WNT3: variants seen among roughly 807,000 people sequenced by gnomAD.
WNT3 encodes proto-oncogene Wnt-3.
Under a neutral mutation model 34.2 loss-of-function variants are expected in WNT3, and 7 were observed. The observed-to-expected ratio is 0.20, with a 90% CI of 0.12 to 0.38. WNT3 has a LOEUF of 0.38. Among genes scored for constraint, WNT3 ranks in the 10% least tolerant of loss-of-function variants. The pLI, the probability that WNT3 is intolerant of heterozygous loss-of-function variation, is 1.00. For missense variants in WNT3, 267 were observed against 499.8 expected, an observed-to-expected ratio of 0.53 and a Z score of 4.44; for synonymous variants, 212 against 211.5, an observed-to-expected ratio of 1.00 and a Z score of -0.02.
chr17:46,780,482 CA>C (rs2059450882), intron 1 of WNT3, among the ~76,000 whole-genome samples: 1 of 152,210 alleles, frequency 6.6e-6, no homozygotes, highest in African/African-American at 2.4e-5. Flanking sequence ...GGTATACGCC[CA>C]AAAGAATTGA....
chr17:46,771,053 G>A (rs2059362592), intron 2 of WNT3, among the ~76,000 whole-genome samples: 1 of 152,196 alleles, frequency 6.6e-6, no homozygotes, highest in African/African-American at 2.4e-5. Context: ...CCAGGCGCCC[G>A]CCTCCCCTCC....
intron 1 of WNT3, among the ~76,000 whole-genome samples, chr17:46,815,980 C>G (rs2084336871): frequency 1.3e-5 from 2 of 152,176 alleles, no homozygotes; most frequent in Non-Finnish European, 2.9e-5. Flanking sequence ...ACAGCCCTCA[C>G]ACAGCTATGG....
chr17:46,816,786 C>T (rs553920895), intron 1 of WNT3, among the ~76,000 whole-genome samples: 1 of 152,198 alleles, frequency 6.6e-6, no homozygotes, highest in Non-Finnish European at 1.5e-5. Flanking sequence ...GCCGCCAAAC[C>T]TTTCCTTCCT....
Position 46,769,958 on chromosome 17 carries a change from A to G in WNT3, c.413T>C (p.Ile138Thr), listed in dbSNP as rs1473415899. Reference protein sequence around the residue: ...TRSCAEGTSTICGCDSHHKGP... With the variant: ...TRSCAEGTSTTCGCDSHHKGP... ...CTTATGATGCGAGTCACAGCCGCAA[A>G]TGGTGGAGGTGCCCTCGGCGCAGGA... The change falls in exon 3 of 5, where the codon ATT becomes ACT. Residue 138 changes from isoleucine to threonine, a missense_variant. Coordinates refer to ENST00000225512, the MANE Select transcript of WNT3 (RefSeq NM_030753.5). 9.3e-6 allele frequency: 15 copies of G among 1,612,874 alleles called. No homozygotes were observed. The highest frequency in any genetic ancestry group is 1.2e-5 in the Non-Finnish European group (14 of 1,179,732).
At chr17:46,795,795 C>G (rs2084045614) in intron 1 of WNT3, among the ~76,000 whole-genome samples, 1 of 152,150 alleles carries the variant, frequency 6.6e-6, no homozygotes, top group Admixed American at 6.5e-5. Flanking sequence ...GCTAGTAACC[C>G]CCAGGCTTCT....
At chr17:46,778,081 C>A (rs1006064575) in intron 1 of WNT3, among the ~76,000 whole-genome samples, 1 of 152,204 alleles carries the variant, frequency 6.6e-6, no homozygotes, top group African/African-American at 2.4e-5. Context: ...GTGCATGGCA[C>A]GTGGGGAGCC....
intron 1 of WNT3, 64 bp downstream of exon 1, chr17:46,818,454 G>T: frequency 6.6e-7 from 1 of 1,521,030 alleles, no homozygotes; most frequent in Non-Finnish European, 8.9e-7. Context: ...CCCAGCCGGC[G>T]CCCCCACCTT....
chr17:46,780,620 C>A (rs2146399820), intron 1 of WNT3, among the ~76,000 whole-genome samples: 1 of 152,080 alleles, frequency 6.6e-6, no homozygotes, highest in East Asian at 1.9e-4. Context: ...ACTAAAAATA[C>A]AAAAAATTAG....
At chr17:46,802,993 G>T (rs551001661) in intron 1 of WNT3, among the ~76,000 whole-genome samples, 1 of 152,170 alleles carries the variant, frequency 6.6e-6, no homozygotes, top group Non-Finnish European at 1.5e-5. Context: ...CTGGGGCTTG[G>T]GATTGCTACT....
At chr17:46,791,396 G>A (rs180963365) in intron 1 of WNT3, among the ~76,000 whole-genome samples, 13 of 152,112 alleles carry the variant, frequency 8.5e-5, no homozygotes, top group Non-Finnish European at 1.9e-4. Context: ...TAGTAGAGAC[G>A]GGGTTTCAAC....
chr17:46,774,501 A>G (rs1299285509), intron 1 of WNT3, among the ~76,000 whole-genome samples: 1 of 152,244 alleles, frequency 6.6e-6, no homozygotes, highest in East Asian at 1.9e-4. Context: ...CTCCATGACC[A>G]TCTTTCCAGT....
intron 2 of WNT3, 143 bp from the exon 3 acceptor site, chr17:46,770,191 G>T: frequency 8.6e-7 from 1 of 1,161,172 alleles, no homozygotes; most frequent in Non-Finnish European, 1.2e-6. Flanking sequence ...GAGGGAGGCA[G>T]CTTCCCCACC....
At chr17:46,780,563 A>C (rs199510) in intron 1 of WNT3, among the ~76,000 whole-genome samples, 127,920 of 152,208 alleles carry the variant, frequency 0.84, 54,066 homozygotes, top group East Asian at 1. Flanking sequence ...CCGAGGCGGG[A>C]GGATCACGAG....
chr17:46,768,021 C>T lies in WNT3; in HGVS notation c.*8+291G>A, dbSNP rs949297519. The stretch of plus-strand genomic sequence containing the variant: ...CAGGCCGGTCTCGAACTCCTGACCT[C>T]AGGTGATCCGTCCACCTCGGCCTCC... On this transcript the variant is annotated intron_variant, in intron 4 of 4. Coordinates refer to ENST00000225512, the MANE Select transcript of WNT3 (RefSeq NM_030753.5). This position sits in a 1 kb window ranked among gnomAD's most constrained non-coding sequence, Gnocchi z 5.0. Among the ~76,000 whole-genome samples the T allele has an allele frequency of 1.3e-5, 2 of 152,210 alleles. No homozygotes were observed. The highest frequency in any genetic ancestry group is 2.9e-5 in the Non-Finnish European group (2 of 68,042).
chr17:46,783,227 G>A (rs750803300), intron 1 of WNT3, among the ~76,000 whole-genome samples: 4 of 152,214 alleles, frequency 2.6e-5, no homozygotes, highest in Non-Finnish European at 2.9e-5. Flanking sequence ...ATAAAACCAT[G>A]AAGGAGCAGC....
chr17:46,806,206 CCTTT>C (rs1231020334), intron 1 of WNT3, among the ~76,000 whole-genome samples: 1 of 107,806 alleles, frequency 9.3e-6, no homozygotes, highest in Admixed American at 1.4e-4. Context: ...TTTTTCTTTT[CCTTT>C]TTTTTTTTTT....
intron 1 of WNT3, among the ~76,000 whole-genome samples, chr17:46,807,501 G>GA (rs1376144295): frequency 6.6e-6 from 1 of 151,832 alleles, no homozygotes; most frequent in Admixed American, 6.6e-5. Flanking sequence ...TAAATAAACA[G>GA]AAAAAAAAGA....
At chr17:46,788,999 C>G (rs2083944038) in intron 1 of WNT3, among the ~76,000 whole-genome samples, 1 of 152,218 alleles carries the variant, frequency 6.6e-6, no homozygotes, top group African/African-American at 2.4e-5. Flanking sequence ...TGGCTGGGAG[C>G]TCACTCTTAG....
At chr17:46,816,079 C>G (rs2084338051) in intron 1 of WNT3, among the ~76,000 whole-genome samples, 1 of 151,588 alleles carries the variant, frequency 6.6e-6, no homozygotes, top group South Asian at 2.1e-4. Flanking sequence ...GTGGGGCTTT[C>G]CCCACACTGT....
Sources: allele counts gnomAD v4.1 joint callset (sites outside exome capture counted in the v4.1 genomes callset), GRCh38; gene constraint gnomAD v4.1.1; non-coding constraint Gnocchi (gnomAD v3.1); transcripts MANE v1.5; gene names NCBI Gene and HGNC (gene_info 2026-07-23, HGNC 2026-07-21).